KLHDC10: variants seen among roughly 807,000 people sequenced by gnomAD.
The protein encoded by KLHDC10 is kelch domain containing 10, also known as kelch domain-containing protein 10.
Under a neutral mutation model 56.1 loss-of-function variants are expected in KLHDC10, and 24 were observed. The observed-to-expected ratio is 0.43, with a 90% CI of 0.31 to 0.60. The LOEUF (loss-of-function observed/expected upper bound fraction) is 0.60, where lower values mean the gene tolerates loss of function less well. Among genes scored for constraint, KLHDC10 ranks in the 20% least tolerant of loss-of-function variants. KLHDC10 has a pLI of 0.11. For missense variants in KLHDC10, 349 were observed against 567.0 expected (o/e 0.62, Z 3.91); for synonymous variants, 188 against 207.1 (o/e 0.91, Z 0.79).
At chr7:130,102,179 T>A (rs927973123) in intron 2 of KLHDC10, among the ~76,000 whole-genome samples, 1 of 152,080 alleles carries the variant, frequency 6.6e-6, no homozygotes, top group African/African-American at 2.4e-5. Context: ...ACTGCTTTCT[T>A]TTTCTCCACT....
chr7:130,120,992 A>G lies in KLHDC10; in HGVS notation c.630+89A>G. The G allele has an allele frequency of 7.9e-6, 10 of 1,269,000 alleles. No homozygotes were observed. The highest frequency in any genetic ancestry group is 1.1e-5 in the Non-Finnish European group (10 of 919,440). The allele number at this position is 1,269,000 out of a possible 1,614,324, so 78.6% of individuals were successfully genotyped here. ...GAATATTTGTAATTGTTACCATTTTATTTTAATGGAGAAGAGTTCTTTGTG... is the reference window on the plus strand; with the variant it reads ...GAATATTTGTAATTGTTACCATTTTGTTTTAATGGAGAAGAGTTCTTTGTG... On this transcript the variant is annotated intron_variant, in intron 4 of 9. Transcript: ENST00000335420. The surrounding 1 kb of genome is among the most constrained non-coding windows in gnomAD (Gnocchi z 5.1).
At chr7:130,082,260 G>T (rs1795619123) in intron 1 of KLHDC10, among the ~76,000 whole-genome samples, 2 of 152,188 alleles carry the variant, frequency 1.3e-5, no homozygotes, top group South Asian at 4.1e-4. Flanking sequence ...AAAGGTTGGG[G>T]CTGTAGTGAG....
chr7:130,086,346 C>T (rs1361299267), intron 1 of KLHDC10, among the ~76,000 whole-genome samples: 2 of 152,172 alleles, frequency 1.3e-5, no homozygotes. Flanking sequence ...TGATTGAATG[C>T]ATACAGCTTT....
At chr7:130,109,269 C>T (rs190015954) in intron 2 of KLHDC10, among the ~76,000 whole-genome samples, 3 of 147,808 alleles carry the variant, frequency 2.0e-5, no homozygotes, top group East Asian at 4.0e-4. Flanking sequence ...AAGTTTTGTT[C>T]TGTCACCCAG....
chr7:130,080,999 CTTTTT>C (rs966845024), intron 1 of KLHDC10, among the ~76,000 whole-genome samples: 1 of 131,934 alleles, frequency 7.6e-6, no homozygotes, highest in Non-Finnish European at 1.6e-5. Flanking sequence ...TTTCAGTTTT[CTTTTT>C]TTTTTTTTTT....
intron 7 of KLHDC10, among the ~76,000 whole-genome samples, chr7:130,126,978 C>T (rs1796324214): frequency 1.3e-5 from 2 of 152,118 alleles, no homozygotes; most frequent in South Asian, 4.2e-4. Flanking sequence ...GTGGTGTGCA[C>T]CTGTAGTCCC....
Position 130,125,948 on chromosome 7 carries a change from G to T in KLHDC10, c.931+17G>T. The T allele has an allele frequency of 6.6e-7, 1 of 1,505,468 alleles. No individual in the cohort carries two copies. Among genetic ancestry groups the T allele is most frequent in the South Asian group, 1.2e-5 (1 of 82,826 alleles). 93.3% of individuals were successfully genotyped at this position (1,505,468 alleles called of 1,614,324 possible). On this transcript the variant is annotated intron_variant, in intron 7 of 9. Transcript: ENST00000335420. Reference sequence around the variant, plus strand: ...AAAAAATAGGTAAATTTAAAGTATTGATTAATTTATCTTTAACAAACATGT... The same window carrying T: ...AAAAAATAGGTAAATTTAAAGTATTTATTAATTTATCTTTAACAAACATGT...
chr7:130,075,745 A>C (rs928861010), intron 1 of KLHDC10, among the ~76,000 whole-genome samples: 1 of 152,194 alleles, frequency 6.6e-6, no homozygotes, highest in East Asian at 1.9e-4. Flanking sequence ...GATTCTGTCA[A>C]ATTTCAAGTT....
At chr7:130,126,404 G>A (rs182761917) in intron 7 of KLHDC10, among the ~76,000 whole-genome samples, 1 of 152,242 alleles carries the variant, frequency 6.6e-6, no homozygotes, top group African/African-American at 2.4e-5. Flanking sequence ...GGCTGGGCGT[G>A]GTGGCTCATG....
Position 130,125,940 on chromosome 7 carries a change from A to C in KLHDC10, c.931+9A>C, listed in dbSNP as rs1218001634. On this transcript the variant is annotated intron_variant, in intron 7 of 9. Transcript: ENST00000335420. ...ACCCCATGAAAAAATAGGTAAATTT[A>C]AAGTATTGATTAATTTATCTTTAAC... 1 of 1,555,164 alleles carries C rather than the reference A, an allele frequency of 6.4e-7. No homozygotes were observed. Among genetic ancestry groups the C allele is most frequent in the East Asian group, 2.2e-5 (1 of 44,466 alleles).
intron 2 of KLHDC10, among the ~76,000 whole-genome samples, chr7:130,097,276 A>G (rs953129547): frequency 6.6e-6 from 1 of 152,220 alleles, no homozygotes; most frequent in African/African-American, 2.4e-5. Context: ...GGTATTCCAC[A>G]GTAGCCATAT....
chr7:130,108,172 G>A (rs1796041835), intron 2 of KLHDC10, among the ~76,000 whole-genome samples: 1 of 151,984 alleles, frequency 6.6e-6, no homozygotes, highest in Non-Finnish European at 1.5e-5. Context: ...AAGTTGCAGT[G>A]AGCCGAAATC....
intron 3 of KLHDC10, among the ~76,000 whole-genome samples, chr7:130,118,570 T>A (rs576641002): frequency 2.6e-5 from 4 of 152,274 alleles, no homozygotes; most frequent in Non-Finnish European, 5.9e-5. Flanking sequence ...CAAGAACTTT[T>A]CCTTTGCATT....
chr7:130,080,015 C>G (rs1325678605), intron 1 of KLHDC10, among the ~76,000 whole-genome samples: 1 of 151,486 alleles, frequency 6.6e-6, no homozygotes, highest in Non-Finnish European at 1.5e-5. Context: ...AATCATAGTT[C>G]ACTGCAGCCT....
intron 8 of KLHDC10, among the ~76,000 whole-genome samples, chr7:130,129,172 G>A (rs1796362083): frequency 1.3e-5 from 2 of 151,930 alleles, no homozygotes; most frequent in African/African-American, 4.8e-5. Flanking sequence ...GGAATCTGTA[G>A]GTATGTGTTT....
intron 1 of KLHDC10, among the ~76,000 whole-genome samples, chr7:130,092,847 G>C (rs1393627754): frequency 6.6e-6 from 1 of 151,978 alleles, no homozygotes; most frequent in Non-Finnish European, 1.5e-5. Flanking sequence ...GGGCTTAGTT[G>C]ACCCCGAGAG....
rs190313827 is a variant in KLHDC10 at position 130,112,255 on chromosome 7, T to C, written c.254-4190T>C. Among the ~76,000 whole-genome samples the C allele has an allele frequency of 4.3e-4, 65 of 152,276 alleles. 2 individuals are homozygous for C. In the East Asian group the frequency reaches 0.012, roughly 28 times the overall value. The stretch of plus-strand genomic sequence containing the variant: ...TTCTTTCTGCCTTTGGGCTAGAAAC[T>C]GAAACCCATTTCCCTGGTTACCGTA... On this transcript the variant is annotated intron_variant, in intron 2 of 9. Coordinates refer to ENST00000335420, the MANE Select transcript of KLHDC10 (RefSeq NM_014997.4).
chr7:130,078,124 T>A (rs996731589), intron 1 of KLHDC10, among the ~76,000 whole-genome samples: 1 of 151,722 alleles, frequency 6.6e-6, no homozygotes, highest in Non-Finnish European at 1.5e-5. Flanking sequence ...TCCCAGCACT[T>A]TAGGAGGCTG....
At chr7:130,127,095 C>A (rs112163108) in intron 7 of KLHDC10, among the ~76,000 whole-genome samples, 6,111 of 152,258 alleles carry the variant, frequency 0.04, 401 homozygotes, top group African/African-American at 0.14. Context: ...CACAGTGAGA[C>A]CCTGTCTCTA....
Sources: allele counts gnomAD v4.1 joint callset (sites outside exome capture counted in the v4.1 genomes callset), GRCh38; gene constraint gnomAD v4.1.1; non-coding constraint Gnocchi (gnomAD v3.1); transcripts MANE v1.5; gene names NCBI Gene and HGNC (gene_info 2026-07-23, HGNC 2026-07-21).